The following TMCC1 variants were observed in gnomAD, a reference collection of about 807,000 sequenced individuals.
TMCC1 encodes transmembrane and coiled-coil domains protein 1.
A neutral mutation model predicts 52.4 loss-of-function variants in TMCC1; 15 were observed. The ratio of observed to expected loss-of-function variants is 0.29; its 90% CI spans 0.19 to 0.44. TMCC1 has a LOEUF of 0.44. Among genes scored for constraint, TMCC1 ranks in the 20% least tolerant of loss-of-function variants. The pLI, the probability that TMCC1 is intolerant of heterozygous loss-of-function variation, is 1.00. For synonymous variants in TMCC1, 279 were observed against 301.9 expected, an observed-to-expected ratio of 0.92 and a Z score of 0.79; for missense variants, 503 against 806.0, an observed-to-expected ratio of 0.62 and a Z score of 4.55.
At chr3:129,771,406 A>G (rs753475987) in intron 4 of TMCC1, among the ~76,000 whole-genome samples, 2 of 152,202 alleles carry the variant, frequency 1.3e-5, no homozygotes, top group Non-Finnish European at 2.9e-5. Context: ...AAATATATGA[A>G]TTACATTCTG....
chr3:129,796,741 T>G (rs1208537087), intron 4 of TMCC1, among the ~76,000 whole-genome samples: 1 of 152,134 alleles, frequency 6.6e-6, no homozygotes, highest in African/African-American at 2.4e-5. Flanking sequence ...CTTGGGAGAC[T>G]GAGGTGGCAG....
intron 4 of TMCC1, among the ~76,000 whole-genome samples, chr3:129,704,984 G>T (rs2048110316): frequency 6.6e-6 from 1 of 152,152 alleles, no homozygotes; most frequent in Non-Finnish European, 1.5e-5. Context: ...AAAGGAAGAA[G>T]ACATAATACC....
chr3:129,857,221 C>T (rs1238899875), intron 2 of TMCC1: 1 of 152,254 alleles, frequency 6.6e-6, no homozygotes, highest in African/African-American at 2.4e-5. Context: ...CACGCCCAGA[C>T]AAAACATGGG....
chr3:129,725,684 A>AT lies in TMCC1; in HGVS notation c.577-54421dup, dbSNP rs202212845. On this transcript the variant is annotated intron_variant, in intron 4 of 6. Coordinates refer to ENST00000393238, the MANE Select transcript of TMCC1 (RefSeq NM_001017395.5). ...AAAGAGTAATCTACTTTGAACATTG[A>AT]TTTTTTTTTTTGTTATACTTACACT... Among the ~76,000 whole-genome samples the AT allele has an allele frequency of 7.7e-3, 1,135 of 148,262 alleles. 9 individuals carry two copies. Among genetic ancestry groups the AT allele is most frequent in the Non-Finnish European group, 9.2e-3 (611 of 66,692 alleles).
At chr3:129,691,640 C>T (rs1004117726) in intron 4 of TMCC1, among the ~76,000 whole-genome samples, 14 of 152,118 alleles carry the variant, frequency 9.2e-5, no homozygotes, top group Admixed American at 5.2e-4. Flanking sequence ...TAAAATTAGC[C>T]GGGCATGGTG....
intron 4 of TMCC1, among the ~76,000 whole-genome samples, chr3:129,815,011 G>A (rs1427382496): frequency 6.6e-6 from 1 of 151,996 alleles, no homozygotes; most frequent in Non-Finnish European, 1.5e-5. Context: ...CATCCAGACA[G>A]AAAATCAACA....
chr3:129,808,920 G>GAAAAAAAAA (rs1560463636), intron 4 of TMCC1, among the ~76,000 whole-genome samples: 1 of 22,258 alleles, frequency 4.5e-5, no homozygotes, highest in Non-Finnish European at 9.1e-5. Flanking sequence ...TAGATATGCT[G>GAAAAAAAAA]GAAAAAAAAA....
At chr3:129,839,160 T>C (rs138536910) in intron 2 of TMCC1, among the ~76,000 whole-genome samples, 20 of 152,262 alleles carry the variant, frequency 1.3e-4, no homozygotes, top group African/African-American at 4.6e-4. Context: ...AAAGTATAAT[T>C]TTTTTATTTT....
intron 4 of TMCC1, among the ~76,000 whole-genome samples, chr3:129,721,823 C>A (rs1194583511): frequency 6.6e-6 from 1 of 152,052 alleles, no homozygotes; most frequent in Non-Finnish European, 1.5e-5. Flanking sequence ...TTGCAGTGAG[C>A]CGAGATGGCG....
At chr3:129,838,207 C>G (rs570256959) in intron 2 of TMCC1, among the ~76,000 whole-genome samples, 1 of 151,934 alleles carries the variant, frequency 6.6e-6, no homozygotes, top group Non-Finnish European at 1.5e-5. Flanking sequence ...GCCCAGGAGA[C>G]CAGCCTGGGC....
chr3:129,681,290 G>T (rs1428521400), intron 4 of TMCC1, among the ~76,000 whole-genome samples: 3 of 152,030 alleles, frequency 2.0e-5, no homozygotes, highest in Admixed American at 1.3e-4. Flanking sequence ...TTCCAAGAGG[G>T]CAGAAAAATT....
At chr3:129,721,367 G>T (rs2049567723) in intron 4 of TMCC1, among the ~76,000 whole-genome samples, 1 of 151,454 alleles carries the variant, frequency 6.6e-6, no homozygotes, top group African/African-American at 2.4e-5. Flanking sequence ...TTTGAGAAAG[G>T]ATCTTGCTCT....
intron 4 of TMCC1, among the ~76,000 whole-genome samples, chr3:129,780,626 G>T (rs1269522727): frequency 6.6e-6 from 1 of 151,968 alleles, no homozygotes; most frequent in Non-Finnish European, 1.5e-5. Flanking sequence ...TCCTCAGCTT[G>T]CCCCAAATCT....
At chr3:129,866,256 T>TAC (rs1200406719) in intron 2 of TMCC1, among the ~76,000 whole-genome samples, 62 of 144,004 alleles carry the variant, frequency 4.3e-4, no homozygotes, top group African/African-American at 1.4e-3. Flanking sequence ...ATATATAATA[T>TAC]ATATTATACA....
intron 2 of TMCC1, among the ~76,000 whole-genome samples, chr3:129,875,162 G>T (rs2061131824): frequency 6.6e-6 from 1 of 151,032 alleles, no homozygotes; most frequent in African/African-American, 2.4e-5. Flanking sequence ...CATCTAGCCT[G>T]AGCAATACAG....
At chr3:129,881,916 C>G (rs535927661) in intron 1 of TMCC1, among the ~76,000 whole-genome samples, 15 of 152,052 alleles carry the variant, frequency 9.9e-5, no homozygotes, top group Non-Finnish European at 1.6e-4. Context: ...ATCCGAGGAG[C>G]GATGTGTGAC....
intron 4 of TMCC1, among the ~76,000 whole-genome samples, chr3:129,776,399 T>C (rs1176881614): frequency 6.6e-6 from 1 of 152,150 alleles, no homozygotes; most frequent in Admixed American, 6.5e-5. Flanking sequence ...ACTGGAGATA[T>C]TGATTTGGGC....
chr3:129,870,738 C>T (rs1335049756), intron 2 of TMCC1, among the ~76,000 whole-genome samples: 1 of 4,226 alleles, frequency 2.4e-4, no homozygotes, highest in African/African-American at 3.6e-4. Context: ...GGGGGGGGGG[C>T]GACAGAGCAA....
chr3:129,785,560 T>TACACACAC (rs10656814), intron 4 of TMCC1, among the ~76,000 whole-genome samples: 3 of 146,168 alleles, frequency 2.1e-5, no homozygotes, highest in Admixed American at 6.8e-5. Flanking sequence ...TCAATATACA[T>TACACACAC]ACACACACAC....
Sources: allele counts gnomAD v4.1 joint callset (sites outside exome capture counted in the v4.1 genomes callset), GRCh38; gene constraint gnomAD v4.1.1; transcripts MANE v1.5; gene names NCBI Gene and HGNC (gene_info 2026-07-23, HGNC 2026-07-21).